EPM2A: variants seen among roughly 807,000 people sequenced by gnomAD.
EPM2A encodes laforin.
A neutral mutation model predicts 26.5 loss-of-function variants in EPM2A; 21 were observed. The observed-to-expected ratio is 0.79, with a 90% CI of 0.56 to 1.14. The LOEUF is 1.14. Ranked by LOEUF, EPM2A falls within the 50% of genes most tolerant of loss-of-function variation. EPM2A has a pLI of 0.00. For synonymous variants in EPM2A, 217 were observed against 177.6 expected (o/e 1.22, Z -1.76); for missense variants, 458 against 440.8 (o/e 1.04, Z -0.35).
Position 145,735,282 on chromosome 6 carries a change from G to T in EPM2A, c.217C>A (p.Gln73Lys). Residue 73 changes from glutamine (Q) to lysine (K), a missense_variant, in exon 1 of 4, where the codon CAG becomes AAG. Gln to Lys is a moderately conservative substitution (Grantham distance 53, BLOSUM62 1). Transcript: ENST00000367519. ...EVELAAEEAAQDGAEPGRVDT... is the reference protein window; with the variant it reads ...EVELAAEEAAKDGAEPGRVDT... ...ACGCGGCCCGGCTCCGCCCCGTCCT[G>T]CGCCGCCTCCTCGGCCGCCAGCTCC... 1 of 1,494,700 alleles carries T rather than the reference G, an allele frequency of 6.7e-7. No individual in the cohort carries two copies. The highest frequency in any genetic ancestry group is 8.9e-7 in the Non-Finnish European group (1 of 1,120,018). The allele number at this position is 1,494,700 out of a possible 1,614,324, so 92.6% of individuals were successfully genotyped here. A position where few individuals can be genotyped will look rare whatever the true frequency, so the allele number is the denominator to read the frequency against.
chr6:145,415,691 T>C (rs151092117), intron 4 of EPM2A, among the ~76,000 whole-genome samples: 171 of 152,342 alleles, frequency 1.1e-3, no homozygotes, highest in African/African-American at 3.8e-3. Context: ...CAAAGTACTG[T>C]AATGTACATT....
intron 2 of EPM2A, among the ~76,000 whole-genome samples, chr6:145,586,464 G>A (rs947402333): frequency 1.3e-5 from 2 of 152,012 alleles, no homozygotes; most frequent in African/African-American, 4.8e-5. Context: ...TTTAATAGCA[G>A]GATACTGTCA....
chr6:145,667,219 G>GA (rs1190480889), intron 2 of EPM2A, among the ~76,000 whole-genome samples: 1 of 109,208 alleles, frequency 9.2e-6, no homozygotes, highest in Non-Finnish European at 1.8e-5. Context: ...CCATCAGAGT[G>GA]AACAGGCAAC....
At chr6:145,509,061 T>C (rs1317669488) in intron 2 of EPM2A, among the ~76,000 whole-genome samples, 4 of 152,090 alleles carry the variant, frequency 2.6e-5, no homozygotes, top group Non-Finnish European at 5.9e-5. Context: ...TTTAAAAAAT[T>C]AACAAAGCTT....
chr6:145,683,865 C>T (rs181072247), intron 2 of EPM2A, among the ~76,000 whole-genome samples: 1 of 152,142 alleles, frequency 6.6e-6, no homozygotes, highest in Non-Finnish European at 1.5e-5. Context: ...TTATGACAGC[C>T]ATATACAACA....
intron 1 of EPM2A, among the ~76,000 whole-genome samples, chr6:145,708,129 T>G (rs960886295): frequency 1.3e-5 from 2 of 152,132 alleles, no homozygotes; most frequent in Non-Finnish European, 2.9e-5. Context: ...AGAGATGATT[T>G]AGGGTATCTG....
chr6:145,656,807 G>T (rs1379816828), intron 2 of EPM2A, among the ~76,000 whole-genome samples: 1 of 152,074 alleles, frequency 6.6e-6, no homozygotes, highest in Non-Finnish European at 1.5e-5. Context: ...TGGAAGTGCT[G>T]GAAAAATTCT....
chr6:145,443,236 C>A (rs1052257800), intron 4 of EPM2A, among the ~76,000 whole-genome samples: 2 of 152,086 alleles, frequency 1.3e-5, no homozygotes, highest in Non-Finnish European at 2.9e-5. Context: ...TCCATATGAA[C>A]CTTAGAATAC....
At chr6:145,443,222 TG>T (rs1486866212) in intron 4 of EPM2A, among the ~76,000 whole-genome samples, 1 of 152,238 alleles carries the variant, frequency 6.6e-6, no homozygotes, top group African/African-American at 2.4e-5. Flanking sequence ...GTCTCTTTTC[TG>T]GTTCCATATG....
Position 145,506,325 on chromosome 6 carries a change from C to T in EPM2A, c.341-3750G>A, listed in dbSNP as rs144788631. ...AGAATTTGCAATAATTATTCAACAA[C>T]CTTATCTTTTCATCCAGGAATTCCA... is the stretch of plus-strand genomic sequence containing the variant. On this transcript the variant is annotated intron_variant, in intron 2 of 3. Transcript: ENST00000450221. Among the ~76,000 whole-genome samples, 1,300 of 152,212 alleles carry T rather than the reference C, an allele frequency of 8.5e-3. 11 individuals carry two copies. Among genetic ancestry groups the T allele is most frequent in the Non-Finnish European group, 0.014 (961 of 68,024 alleles).
intron 4 of EPM2A, among the ~76,000 whole-genome samples, chr6:145,475,915 T>G (rs1030560640): frequency 6.6e-6 from 1 of 151,914 alleles, no homozygotes; most frequent in African/African-American, 2.4e-5. Context: ...GTGGCAGCAA[T>G]AAGTTCTTAT....
intron 4 of EPM2A, among the ~76,000 whole-genome samples, chr6:145,447,896 T>C (rs1779146349): frequency 6.6e-6 from 1 of 152,116 alleles, no homozygotes; most frequent in East Asian, 1.9e-4. Context: ...ATTTTGTTGG[T>C]TAATAAGTAA....
chr6:145,413,026 G>A (rs1198176006), intron 4 of EPM2A, among the ~76,000 whole-genome samples: 3 of 152,138 alleles, frequency 2.0e-5, no homozygotes, highest in Non-Finnish European at 4.4e-5. Flanking sequence ...CAAAAGGCAG[G>A]ATTTGCTCTT....
At chr6:145,507,752 G>T (rs1435571539) in intron 2 of EPM2A, among the ~76,000 whole-genome samples, 1 of 152,208 alleles carries the variant, frequency 6.6e-6, no homozygotes, top group Non-Finnish European at 1.5e-5. Context: ...TATGGAGAGT[G>T]TCCCAGCAGT....
At position 145,724,664 on chromosome 6, in the gene EPM2A, A is replaced by G. The variant is rs376191786; in HGVS notation, c.301+10534T>C. On this transcript the variant is annotated intron_variant, in intron 1 of 3. Transcript: ENST00000367519. ...GATACTGGTTTCAAAAAAACCAGAC[A>G]TATAGAACTGAATAGAGAGCACAGA... 2.0e-5 allele frequency among the ~76,000 whole-genome samples: 3 copies of G among 152,260 alleles called. No individual in the cohort carries two copies. In the South Asian group the frequency reaches 6.2e-4, roughly 31 times the overall value.
At chr6:145,497,975 G>C (rs369415803), downstream of EPM2A, among the ~76,000 whole-genome samples, 4 of 152,306 alleles carry the variant, frequency 2.6e-5, no homozygotes, top group South Asian at 2.1e-4. Flanking sequence ...CTGTCTACAG[G>C]AGAACACAGG....
At chr6:145,400,589 T>C (rs1253007290) in intron 4 of EPM2A, among the ~76,000 whole-genome samples, 1 of 151,652 alleles carries the variant, frequency 6.6e-6, no homozygotes, top group Non-Finnish European at 1.5e-5. Context: ...GGTTGCTTAC[T>C]GAGTGCCTTT....
intron 4 of EPM2A, among the ~76,000 whole-genome samples, chr6:145,467,146 TAATA>T (rs1441623607): frequency 2.0e-5 from 3 of 151,880 alleles, no homozygotes; most frequent in Non-Finnish European, 4.4e-5. Context: ...AGTATAATAA[TAATA>T]AATAAATAAA....
intron 4 of EPM2A, among the ~76,000 whole-genome samples, chr6:145,402,368 G>A (rs189618875): frequency 1.3e-5 from 2 of 152,178 alleles, no homozygotes; most frequent in Non-Finnish European, 2.9e-5. Context: ...ACCCTTCAAA[G>A]GTGTGAAATG....
Sources: allele counts gnomAD v4.1 joint callset (sites outside exome capture counted in the v4.1 genomes callset), GRCh38; gene constraint gnomAD v4.1.1; transcripts MANE v1.5; gene names NCBI Gene and HGNC (gene_info 2026-07-23, HGNC 2026-07-21).